Variants in CATSPER3 observed in about 807,000 individuals in gnomAD.
CATSPER3 encodes cation channel sperm associated 3, also known as cation channel sperm-associated protein 3.
Under a neutral mutation model 36.6 loss-of-function variants are expected in CATSPER3, and 23 were observed. The ratio of observed to expected loss-of-function variants is 0.63; its 90% CI spans 0.45 to 0.89. The LOEUF (loss-of-function observed/expected upper bound fraction) is 0.89. Among genes scored for constraint, CATSPER3 ranks in the 40% least tolerant of loss-of-function variants. CATSPER3 has a pLI of 0.00. For missense variants in CATSPER3, 474 were observed against 503.9 expected (o/e 0.94, Z 0.57); for synonymous variants, 172 against 184.1 (o/e 0.93, Z 0.53).
At chr5:135,000,835 T>C (rs299368) in intron 3 of CATSPER3, among the ~76,000 whole-genome samples, 131,116 of 152,030 alleles carry the variant, frequency 0.86, 56,764 homozygotes, top group East Asian at 1. Context: ...GTCTTGCTAG[T>C]GGTCTATCAA....
chr5:134,987,020 C>T (rs969665124), intron 2 of CATSPER3, among the ~76,000 whole-genome samples: 4 of 151,782 alleles, frequency 2.6e-5, no homozygotes, highest in East Asian at 1.9e-4. Flanking sequence ...AATACTAGAA[C>T]GAGATAAACA....
chr5:134,997,829 A>T lies in CATSPER3; in HGVS notation c.492+1317A>T, dbSNP rs189891172. ...CTCTGGGCATCTCACAGGCTTCTCA[A>T]ATTTGATGTGTCTAAACTGAAGTTG... On this transcript the variant is annotated intron_variant, in intron 3 of 7. Transcript: ENST00000282611. Among the ~76,000 whole-genome samples the T allele has an allele frequency of 2.6e-5, 4 of 151,896 alleles. No homozygotes were observed. The East Asian group carries it at 5.8e-4, about 22-fold the overall frequency.
At chr5:134,988,602 A>G (rs1323734247) in intron 2 of CATSPER3, among the ~76,000 whole-genome samples, 2 of 151,958 alleles carry the variant, frequency 1.3e-5, no homozygotes, top group East Asian at 3.9e-4. Context: ...ATGAAAAGCA[A>G]CTCCTCATCT....
intron 3 of CATSPER3, among the ~76,000 whole-genome samples, chr5:135,002,929 G>A (rs558127653): frequency 1.3e-5 from 2 of 152,140 alleles, no homozygotes; most frequent in Non-Finnish European, 1.5e-5. Context: ...AAGTTTGATC[G>A]TCTGAAGCCT....
chr5:135,009,333 G>T, intron 5 of CATSPER3, 38 bp from the exon 6 acceptor site: 1 of 1,608,032 alleles, frequency 6.2e-7, no homozygotes, highest in South Asian at 1.1e-5. Flanking sequence ...GGCATGTAGC[G>T]AGAGCCTGTA....
At chr5:134,992,777 T>C (rs999071869) in intron 2 of CATSPER3, among the ~76,000 whole-genome samples, 2 of 152,120 alleles carry the variant, frequency 1.3e-5, no homozygotes, top group Non-Finnish European at 2.9e-5. Context: ...GGTGAAGATG[T>C]AGAGAAATTA....
At chr5:134,993,552 A>G (rs1353556064) in intron 2 of CATSPER3, among the ~76,000 whole-genome samples, 1 of 152,230 alleles carries the variant, frequency 6.6e-6, no homozygotes, top group African/African-American at 2.4e-5. Context: ...GAGACGATCA[A>G]GATAAATAGA....
chr5:134,999,010 T>C (rs1007037981), intron 3 of CATSPER3, among the ~76,000 whole-genome samples: 1 of 152,240 alleles, frequency 6.6e-6, no homozygotes. Flanking sequence ...CTGAATGGTA[T>C]TGCCTAGGTT....
intron 2 of CATSPER3, among the ~76,000 whole-genome samples, chr5:134,972,553 G>A (rs972602967): frequency 3.3e-5 from 5 of 152,060 alleles, no homozygotes; most frequent in Non-Finnish European, 7.4e-5. Context: ...CTTAAGAGAA[G>A]TATAGGATTA....
rs143499103 is a variant in CATSPER3 at position 134,968,014 on chromosome 5, G to A, written c.23G>A (p.Arg8His). Residue 8 changes from arginine to histidine, a missense_variant, in exon 1 of 8, where the codon CGC becomes CAC. Transcript: ENST00000282611. ...AAAATGTCTCAACACCGTCACCAGC[G>A]CCACTCGAGAGTCATTTCTAGTTCA... MSQHRHQ[R>H]HSRVISSSPV... 1.5e-5 allele frequency: 24 copies of A among 1,613,834 alleles called. No homozygotes were observed. Among genetic ancestry groups the A allele is most frequent in the African/African-American group, 1.1e-4 (8 of 74,902 alleles).
intron 2 of CATSPER3, among the ~76,000 whole-genome samples, chr5:134,986,043 A>G (rs1751804459): frequency 6.6e-6 from 1 of 152,140 alleles, no homozygotes; most frequent in African/African-American, 2.4e-5. Flanking sequence ...ACTTAAATAT[A>G]TATATACATA....
chr5:134,987,105 A>G (rs1228598444), intron 2 of CATSPER3, among the ~76,000 whole-genome samples: 1 of 152,226 alleles, frequency 6.6e-6, no homozygotes, highest in African/African-American at 2.4e-5. Flanking sequence ...CAACAAATTG[A>G]CAAGCCTTTA....
intron 2 of CATSPER3, among the ~76,000 whole-genome samples, chr5:134,980,344 T>G (rs976214188): frequency 2.0e-5 from 3 of 146,900 alleles, no homozygotes; most frequent in Admixed American, 6.8e-5. Context: ...TTTCTTTCCC[T>G]CCTCCCTCCC....
chr5:134,972,778 A>G (rs1004078434), intron 2 of CATSPER3, among the ~76,000 whole-genome samples: 5 of 152,362 alleles, frequency 3.3e-5, no homozygotes, highest in Non-Finnish European at 7.4e-5. Context: ...TTGGAACTAT[A>G]CGTTGAAAGA....
chr5:134,969,765 CATAT>C, intron 1 of CATSPER3, 170 bp from the exon 2 acceptor site: 1 of 690,122 alleles, frequency 1.4e-6, no homozygotes, highest in Non-Finnish European at 2.5e-6. Flanking sequence ...CCATGATCAT[CATAT>C]ATATGTCAGT....
At chr5:134,979,793 G>A (rs1382860740) in intron 2 of CATSPER3, among the ~76,000 whole-genome samples, 1 of 152,214 alleles carries the variant, frequency 6.6e-6, no homozygotes, top group Non-Finnish European at 1.5e-5. Context: ...TTCACCTTTA[G>A]CTGATCTTTA....
At chr5:134,994,612 A>G (rs1265215173) in intron 2 of CATSPER3, among the ~76,000 whole-genome samples, 1 of 152,234 alleles carries the variant, frequency 6.6e-6, no homozygotes, top group Non-Finnish European at 1.5e-5. Flanking sequence ...TTGTTGTGAG[A>G]TATCTTAAAA....
intron 2 of CATSPER3, among the ~76,000 whole-genome samples, chr5:134,975,534 G>A (rs1751663413): frequency 6.6e-6 from 1 of 152,212 alleles, no homozygotes; most frequent in Non-Finnish European, 1.5e-5. Flanking sequence ...GATTGCTTGA[G>A]CTCAGGAGGT....
rs117060234 is a variant in CATSPER3 at position 135,005,352 on chromosome 5, G to A, written c.493-2605G>A. ...GCACACACGCATGCACCACAGGTTT[G>A]GCCTCATGGTTTTTCTGTCATTAAG... On this transcript the variant is annotated intron_variant, in intron 3 of 7. Transcript: ENST00000282611. Among the ~76,000 whole-genome samples the A allele has an allele frequency of 8.3e-3, 1,261 of 152,284 alleles. 59 individuals are homozygous for A. The East Asian group carries it at 0.12, about 15-fold the overall frequency.
Sources: allele counts gnomAD v4.1 joint callset (sites outside exome capture counted in the v4.1 genomes callset), GRCh38; gene constraint gnomAD v4.1.1; transcripts MANE v1.5; gene names NCBI Gene and HGNC (gene_info 2026-07-23, HGNC 2026-07-21).